The following LSAMP variants were observed in gnomAD, a reference collection of about 807,000 sequenced individuals.
LSAMP encodes limbic system-associated membrane protein.
A neutral mutation model predicts 38.6 loss-of-function variants in LSAMP; 7 were observed. The observed-to-expected ratio is 0.18, with a 90% CI of 0.10 to 0.34. The LOEUF (loss-of-function observed/expected upper bound fraction) is 0.34, where lower values mean the gene tolerates loss of function less well. Among genes scored for constraint, LSAMP ranks in the 10% least tolerant of loss-of-function variants. The probability of loss-of-function intolerance (pLI) is 1.00; values close to 1 mark genes in which losing one functional copy is unlikely to be tolerated. For synonymous variants in LSAMP, 154 were observed against 166.8 expected (o/e 0.92, Z 0.59); for missense variants, 313 against 420.0 (o/e 0.75, Z 2.23).
rs979032560 is a variant in LSAMP, at chr3:116,232,611, A to T, written c.156-146055T>A. Among the ~76,000 whole-genome samples the T allele has an allele frequency of 2.6e-5, 4 of 152,160 alleles. No homozygotes were observed. In the East Asian group the frequency reaches 7.7e-4, roughly 29 times the overall value. On this transcript the variant is annotated intron_variant, in intron 1 of 6. Transcript: ENST00000490035. ...TTGCAATTTCCAAGTGTGGAAAATCAATCCTACCTCCAGCTAGTTCAGCCT... is the reference window on the plus strand; with the variant it reads ...TTGCAATTTCCAAGTGTGGAAAATCTATCCTACCTCCAGCTAGTTCAGCCT...
intron 1 of LSAMP, among the ~76,000 whole-genome samples, chr3:116,395,611 G>A (rs968752186): frequency 2.6e-5 from 4 of 152,162 alleles, no homozygotes; most frequent in Non-Finnish European, 4.4e-5. Context: ...TCCTGTCTTT[G>A]AAGAGGACTG....
chr3:116,159,235 A>G (rs972974087), intron 1 of LSAMP, among the ~76,000 whole-genome samples: 3 of 152,200 alleles, frequency 2.0e-5, no homozygotes, highest in Non-Finnish European at 4.4e-5. Flanking sequence ...GCAAATTGCA[A>G]CAAAACAAAA....
At chr3:116,433,003 T>C (rs1041245748) in intron 1 of LSAMP, among the ~76,000 whole-genome samples, 3 of 152,294 alleles carry the variant, frequency 2.0e-5, no homozygotes, top group Admixed American at 6.5e-5. Flanking sequence ...TTGTATAAGG[T>C]GACAGCGATC....
At chr3:116,023,423 T>C (rs1940693374) in intron 2 of LSAMP, among the ~76,000 whole-genome samples, 1 of 148,904 alleles carries the variant, frequency 6.7e-6, no homozygotes, top group South Asian at 2.1e-4. Context: ...TGAAACCCCA[T>C]CTCTACTAAA....
chr3:116,173,342 GA>G (rs1710250717), intron 1 of LSAMP, among the ~76,000 whole-genome samples: 1 of 152,046 alleles, frequency 6.6e-6, no homozygotes, highest in Non-Finnish European at 1.5e-5. Context: ...TGGTGCAACA[GA>G]ATATGATATA....
At chr3:116,173,315 T>C (rs1285538971) in intron 1 of LSAMP, among the ~76,000 whole-genome samples, 3 of 152,046 alleles carry the variant, frequency 2.0e-5, no homozygotes, top group South Asian at 2.1e-4. Flanking sequence ...TTTGTTTTAA[T>C]TGCTTCATCT....
At chr3:116,064,581 C>T (rs1050082995) in intron 2 of LSAMP, among the ~76,000 whole-genome samples, 6 of 151,182 alleles carry the variant, frequency 4.0e-5, no homozygotes, top group African/African-American at 9.7e-5. Context: ...AAAGCATAGC[C>T]CATATGTGAC....
At chr3:116,390,586 T>C (rs748522376) in intron 1 of LSAMP, among the ~76,000 whole-genome samples, 7 of 151,852 alleles carry the variant, frequency 4.6e-5, no homozygotes, top group Non-Finnish European at 8.8e-5. Flanking sequence ...GACCATTAGC[T>C]GGGCATGGTG....
intron 3 of LSAMP, among the ~76,000 whole-genome samples, chr3:115,970,364 A>G (rs1938974856): frequency 6.6e-6 from 1 of 152,198 alleles, no homozygotes; most frequent in Non-Finnish European, 1.5e-5. Flanking sequence ...AGAAAACTTT[A>G]AGGTCTTATG....
At chr3:116,383,060 G>A (rs977968003) in intron 1 of LSAMP, among the ~76,000 whole-genome samples, 6 of 152,202 alleles carry the variant, frequency 3.9e-5, no homozygotes, top group Admixed American at 1.3e-4. Context: ...AGATAAAAAG[G>A]GATCTGAGCC....
chr3:116,183,431 A>T (rs1212093060), intron 1 of LSAMP, among the ~76,000 whole-genome samples: 1 of 151,892 alleles, frequency 6.6e-6, no homozygotes. Flanking sequence ...CAGGTAAGAA[A>T]TAAACACATA....
intron 1 of LSAMP, among the ~76,000 whole-genome samples, chr3:116,301,346 A>G (rs2047405853): frequency 6.6e-6 from 1 of 152,202 alleles, no homozygotes; most frequent in Admixed American, 6.5e-5. Context: ...TGAATTTAGG[A>G]GAAAGATTAA....
chr3:115,963,011 C>A (rs1324327936), intron 3 of LSAMP, among the ~76,000 whole-genome samples: 1 of 152,162 alleles, frequency 6.6e-6, no homozygotes, highest in African/African-American at 2.4e-5. Flanking sequence ...GACCAACTTA[C>A]TACTGAGCGA....
At chr3:116,285,840 GA>G (rs2107686801) in intron 1 of LSAMP, among the ~76,000 whole-genome samples, 1 of 152,224 alleles carries the variant, frequency 6.6e-6, no homozygotes, top group East Asian at 1.9e-4. Flanking sequence ...CCTTAAAAGG[GA>G]AAAGGCCTGT....
intron 1 of LSAMP, among the ~76,000 whole-genome samples, chr3:116,321,658 A>C (rs1376561155): frequency 1.3e-5 from 2 of 152,016 alleles, no homozygotes; most frequent in African/African-American, 4.8e-5. Flanking sequence ...TTTACCTTTC[A>C]CTCTTTCTAT....
At chr3:116,350,338 C>A (rs189762652) in intron 1 of LSAMP, among the ~76,000 whole-genome samples, 2 of 152,186 alleles carry the variant, frequency 1.3e-5, no homozygotes, top group African/African-American at 2.4e-5. Flanking sequence ...AAACTATGTA[C>A]CCCATATGAC....
At chr3:116,290,469 C>T (rs932061347) in intron 1 of LSAMP, among the ~76,000 whole-genome samples, 6 of 152,006 alleles carry the variant, frequency 3.9e-5, no homozygotes, top group African/African-American at 7.2e-5. Context: ...CAGTGGCTCA[C>T]GTCTGTAATC....
At chr3:116,203,816 T>G (rs1217402262) in intron 1 of LSAMP, among the ~76,000 whole-genome samples, 3 of 152,178 alleles carry the variant, frequency 2.0e-5, no homozygotes, top group African/African-American at 7.2e-5. Context: ...GACATTTGCG[T>G]TGGTTCCAAC....
intron 1 of LSAMP, 121 bp downstream of exon 1, chr3:116,444,756 C>A (rs1159595036): frequency 1.0e-5 from 13 of 1,262,324 alleles, no homozygotes; most frequent in Non-Finnish European, 1.2e-5. Context: ...CACAAGCCTG[C>A]AGCATCAGGA....
Sources: gnomAD v4.1 joint callset for allele counts (sites outside exome capture counted in the v4.1 genomes callset) on GRCh38, gnomAD v4.1.1 for gene constraint, MANE v1.5 for transcripts, NCBI Gene and HGNC (gene_info 2026-07-23, HGNC 2026-07-21) for gene names.